The following CACYBP variants were observed in gnomAD, a reference collection of about 807,000 sequenced individuals.
CACYBP encodes the protein calcyclin binding protein.
A neutral mutation model predicts 29.6 loss-of-function variants in CACYBP; 11 were observed. The observed-to-expected ratio is 0.37, with a 90% CI of 0.23 to 0.61. The LOEUF (loss-of-function observed/expected upper bound fraction) is 0.61, where lower values mean the gene tolerates loss of function less well. Among genes scored for constraint, CACYBP ranks in the 20% least tolerant of loss-of-function variants. The pLI, the probability that CACYBP is intolerant of heterozygous loss-of-function variation, is 0.65. For missense variants in CACYBP, 163 were observed against 260.7 expected, an observed-to-expected ratio of 0.63 and a Z score of 2.58; for synonymous variants, 73 against 88.3, an observed-to-expected ratio of 0.83 and a Z score of 0.97.
intron 1 of CACYBP, among the ~76,000 whole-genome samples, chr1:175,003,216 T>C (rs1672534021): frequency 1.3e-5 from 2 of 151,954 alleles, no homozygotes; most frequent in African/African-American, 4.8e-5. Flanking sequence ...CCTCCCGGGT[T>C]CAAGCGATTC....
At position 174,999,975 on chromosome 1, in the gene CACYBP, G is replaced by T; in HGVS notation, c.-206G>T. On this transcript the variant is annotated 5_prime_UTR_variant, in exon 1 of 6. Transcript: ENST00000367679. ...GGGCTGTGCGTGCTCGCGGTGGGCGGTGGCGGCGGCTGCCTCGCGAAGGTT... is the reference window on the plus strand; with the variant it reads ...GGGCTGTGCGTGCTCGCGGTGGGCGTTGGCGGCGGCTGCCTCGCGAAGGTT... 1.5e-6 allele frequency: 1 copy of T among 671,908 alleles called. No homozygotes were observed. The highest frequency in any genetic ancestry group is 1.9e-5 in the South Asian group (1 of 52,838). 41.6% of individuals were successfully genotyped at this position (671,908 alleles called of 1,614,324 possible). A position where few individuals can be genotyped will look rare whatever the true frequency, so the allele number is the denominator to read the frequency against.
chr1:175,007,094 G>T lies in CACYBP; in HGVS notation c.333-4G>T. 1 of 1,560,050 alleles carries T rather than the reference G, an allele frequency of 6.4e-7. No homozygotes were observed. The highest frequency in any genetic ancestry group is 8.8e-7 in the Non-Finnish European group (1 of 1,132,638). Reference sequence around the variant, plus strand: ...AAGATGATGTATTCACCATTGTGTTGCAGGTCATTTGATCTTTTGGTAAAG... The same window carrying T: ...AAGATGATGTATTCACCATTGTGTTTCAGGTCATTTGATCTTTTGGTAAAG... On this transcript the variant is annotated splice_region_variant and splice_polypyrimidine_tract_variant and intron_variant, in intron 3 of 5. Coordinates refer to ENST00000367679, the MANE Select transcript of CACYBP (RefSeq NM_014412.3).
At position 175,008,884 on chromosome 1, in the gene CACYBP, T is replaced by C. The variant is rs116534632; in HGVS notation, c.530+178T>C. On this transcript the variant is annotated intron_variant, in intron 5 of 5. Transcript: ENST00000367679. ...GTAGTTAAGGGTTGGCTCTTTAGTG[T>C]GGTTCTTAACCCTAGGCGCAGTTGT... 3,435 of 576,244 alleles carry C rather than the reference T, an allele frequency of 6.0e-3. 79 individuals carry two copies. The highest frequency in any genetic ancestry group is 0.059 in the African/African-American group (3,169 of 53,296). The allele number at this position is 576,244 out of a possible 1,614,324, so 35.7% of individuals were successfully genotyped here.
rs1332656323 is a variant in CACYBP, at chr1:175,011,992, T to C, written c.*1913T>C. ...GGTGGCAGATGCCTGTAACTCCAGC[T>C]ACTCGGGAGACTGAAGGACAAGAAT... On this transcript the variant is annotated 3_prime_UTR_variant, in exon 6 of 6. Coordinates refer to ENST00000367679, the MANE Select transcript of CACYBP (RefSeq NM_014412.3). Among the ~76,000 whole-genome samples the C allele has an allele frequency of 6.6e-6, 1 of 152,132 alleles. No individual in the cohort carries two copies. The highest frequency in any genetic ancestry group is 6.5e-5 in the Admixed American group (1 of 15,278).
At chr1:175,001,369 G>GT (rs1672485338) in intron 1 of CACYBP, among the ~76,000 whole-genome samples, 1 of 152,102 alleles carries the variant, frequency 6.6e-6, no homozygotes, top group Non-Finnish European at 1.5e-5. Flanking sequence ...TACAATTCAG[G>GT]TATTTGTTTT....
chr1:175,005,599 G>C (rs17302298), intron 2 of CACYBP, among the ~76,000 whole-genome samples: 2,606 of 152,286 alleles, frequency 0.017, 28 homozygotes, highest in Non-Finnish European at 0.026. Context: ...AATGTGAATA[G>C]AGAGTTGGAA....
chr1:175,007,047 G>C, intron 3 of CACYBP, 51 bp from the exon 4 acceptor site: 1 of 1,269,880 alleles, frequency 7.9e-7, no homozygotes, highest in Non-Finnish European at 1.1e-6. Context: ...TATGGAGTAA[G>C]GGTACCTTTC....
chr1:175,011,612 A>AATT lies in CACYBP; in HGVS notation c.*1535_*1537dup, dbSNP rs1286177360. Reference sequence around the variant, plus strand: ...AACAATGTATTGACAGGATTCCAATAATTAAGAATACTTCATACAAAAAGA... The same window carrying AATT: ...AACAATGTATTGACAGGATTCCAATAATTATTAAGAATACTTCATACAAAAAGA... On this transcript the variant is annotated 3_prime_UTR_variant, in exon 6 of 6. Transcript: ENST00000367679. The AATT allele has an allele frequency of 2.6e-5, 4 of 152,236 alleles. No homozygotes were observed. Among genetic ancestry groups the AATT allele is most frequent in the Admixed American group, 6.5e-5 (1 of 15,284 alleles). 9.4% of individuals were successfully genotyped at this position (152,236 alleles called of 1,614,324 possible). A position where few individuals can be genotyped will look rare whatever the true frequency, so the allele number is the denominator to read the frequency against.
chr1:175,008,271 G>A (rs2187939), intron 4 of CACYBP, among the ~76,000 whole-genome samples: 114,448 of 151,982 alleles, frequency 0.75, 44,214 homozygotes, highest in African/African-American at 0.94. Context: ...GAGCCATTCT[G>A]CATGCTCTGC....
At chr1:175,001,764 C>A (rs1190672169) in intron 1 of CACYBP, among the ~76,000 whole-genome samples, 1 of 152,164 alleles carries the variant, frequency 6.6e-6, no homozygotes, top group Non-Finnish European at 1.5e-5. Flanking sequence ...TTGTTTGAGA[C>A]GGAGTCTCGC....
At chr1:175,003,953 C>T (rs1199179157) in intron 1 of CACYBP, among the ~76,000 whole-genome samples, 5 of 152,158 alleles carry the variant, frequency 3.3e-5, no homozygotes, top group Admixed American at 2.0e-4. Flanking sequence ...GTTGCATTTT[C>T]GGTCTTTTGT....
intron 1 of CACYBP, among the ~76,000 whole-genome samples, chr1:175,001,835 G>A (rs1190805101): frequency 6.6e-6 from 1 of 152,134 alleles, no homozygotes; most frequent in African/African-American, 2.4e-5. Flanking sequence ...TCCGTCTCCC[G>A]GGTTCAAAGG....
chr1:175,008,013 G>T (rs567618717), intron 4 of CACYBP, among the ~76,000 whole-genome samples: 2 of 152,210 alleles, frequency 1.3e-5, no homozygotes, highest in Admixed American at 1.3e-4. Context: ...CTGTCTTACT[G>T]CACCCTTCTG....
intron 1 of CACYBP, among the ~76,000 whole-genome samples, chr1:175,002,357 A>T (rs1393371074): frequency 6.6e-6 from 1 of 151,750 alleles, no homozygotes; most frequent in Non-Finnish European, 1.5e-5. Flanking sequence ...TGGGAATTTG[A>T]TATGCGTTTA....
intron 1 of CACYBP, chr1:175,000,429 G>A (rs1194257954): frequency 7.2e-7 from 1 of 1,396,310 alleles, no homozygotes; most frequent in Non-Finnish European, 9.3e-7. Flanking sequence ...GCGGGGGTGT[G>A]CGGCGATTAT....
In CACYBP at chr1:175,006,974, T is replaced by A. The variant is rs1018831998; in HGVS notation, c.333-124T>A. ...ATCCTTTACAACTACTTTGAAGAGG[T>A]GAGCGTTAACTGGCCAAATGCACAC... On this transcript the variant is annotated intron_variant, in intron 3 of 5. Transcript: ENST00000367679. 4.3e-5 allele frequency: 36 copies of A among 839,562 alleles called. No individual in the cohort carries two copies. The African/African-American group carries it at 5.4e-4, about 12-fold the overall frequency. 52.0% of individuals were successfully genotyped at this position (839,562 alleles called of 1,614,324 possible). A position where few individuals can be genotyped will look rare whatever the true frequency, so the allele number is the denominator to read the frequency against.
chr1:175,006,906 C>G (rs1175134269), intron 3 of CACYBP, 65 bp downstream of exon 3: 1 of 954,732 alleles, frequency 1.0e-6, no homozygotes, highest in Non-Finnish European at 1.7e-6. Context: ...TCTTGAGACT[C>G]TCTTCTTTGC....
Position 174,999,993 on chromosome 1 carries a change from C to G in CACYBP, c.-188C>G. 2.5e-6 allele frequency: 2 copies of G among 793,658 alleles called. No homozygotes were observed. Among genetic ancestry groups the G allele is most frequent in the East Asian group, 3.1e-5 (1 of 32,448 alleles). 49.2% of individuals were successfully genotyped at this position (793,658 alleles called of 1,614,324 possible). On this transcript the variant is annotated 5_prime_UTR_variant, in exon 1 of 6. Coordinates refer to ENST00000367679, the MANE Select transcript of CACYBP (RefSeq NM_014412.3). ...GTGGGCGGTGGCGGCGGCTGCCTCG[C>G]GAAGGTTCGAGATCCGTCGCGTGCG...
intron 5 of CACYBP, 86 bp from the exon 6 acceptor site, chr1:175,009,837 T>G: frequency 9.8e-7 from 1 of 1,017,762 alleles, no homozygotes; most frequent in Non-Finnish European, 1.5e-6. Flanking sequence ...CTTATCCCTC[T>G]ACTTCCTGCC....
Sources: gnomAD v4.1 joint callset for allele counts (sites outside exome capture counted in the v4.1 genomes callset) on GRCh38, gnomAD v4.1.1 for gene constraint, MANE v1.5 for transcripts, NCBI Gene and HGNC (gene_info 2026-07-23, HGNC 2026-07-21) for gene names.